Variants in RALYL observed in about 807,000 individuals in gnomAD.
RALYL encodes RALY RNA binding protein like.
A neutral mutation model predicts 35.1 loss-of-function variants in RALYL; 29 were observed. The ratio of observed to expected loss-of-function variants is 0.83; its 90% CI spans 0.61 to 1.13. RALYL has a LOEUF of 1.13. Ranked by LOEUF, RALYL falls within the 50% of genes most tolerant of loss-of-function variation. RALYL has a pLI of 0.00. For missense variants in RALYL, 359 were observed against 360.4 expected (o/e 1.00, Z 0.03); for synonymous variants, 120 against 127.6 (o/e 0.94, Z 0.40).
intron 1 of RALYL, among the ~76,000 whole-genome samples, chr8:84,266,903 T>A (rs1254128530): frequency 2.2e-5 from 3 of 138,440 alleles, no homozygotes; most frequent in African/African-American, 8.3e-5. Flanking sequence ...GAGCTTGCAG[T>A]GAGCCGAGAT....
At chr8:84,197,886 T>C (rs1815773676) in intron 1 of RALYL, among the ~76,000 whole-genome samples, 1 of 152,260 alleles carries the variant, frequency 6.6e-6, no homozygotes, top group South Asian at 2.1e-4. Context: ...TGATGCCTTC[T>C]TCTCCCATTA....
chr8:84,525,301 A>G (rs1456582753), intron 1 of RALYL, among the ~76,000 whole-genome samples: 2 of 152,080 alleles, frequency 1.3e-5, no homozygotes, highest in African/African-American at 4.8e-5. Flanking sequence ...GCACTGAAAA[A>G]TTCATTTTCC....
intron 1 of RALYL, among the ~76,000 whole-genome samples, chr8:84,281,347 G>C (rs1330307737): frequency 6.6e-6 from 1 of 152,100 alleles, no homozygotes; most frequent in Non-Finnish European, 1.5e-5. Context: ...AAGGAAAATT[G>C]AGATGGAGTA....
In RALYL at chr8:84,355,782, C is replaced by T. The variant is rs1007553062; in HGVS notation, c.-24+171358C>T. ...CAGTCAAATCAAGAGCACTTAGTAT[C>T]TGATTAGAAGTTGGAGGTGAAGAGG... On this transcript the variant is annotated intron_variant, in intron 1 of 8. Transcript: ENST00000521268. 2.0e-5 allele frequency among the ~76,000 whole-genome samples: 3 copies of T among 149,978 alleles called. 1 individual carries two copies. The highest frequency in any genetic ancestry group is 1.3e-4 in the Admixed American group (2 of 15,092).
intron 1 of RALYL, among the ~76,000 whole-genome samples, chr8:84,311,908 G>C (rs1228624390): frequency 1.3e-5 from 2 of 152,132 alleles, no homozygotes; most frequent in Non-Finnish European, 2.9e-5. Context: ...AATCAAATCA[G>C]AGATTATACA....
intron 2 of RALYL, among the ~76,000 whole-genome samples, chr8:84,722,370 A>G (rs1844090617): frequency 6.6e-6 from 1 of 151,724 alleles, no homozygotes; most frequent in Admixed American, 6.6e-5. Flanking sequence ...ATTCATATCA[A>G]CCTTCTTAGC....
intron 8 of RALYL, among the ~76,000 whole-genome samples, chr8:84,917,789 C>A (rs2059679): frequency 0.3 from 45,658 of 151,546 alleles, 7,374 homozygotes; most frequent in East Asian, 0.61. Flanking sequence ...ATTATTTGAG[C>A]CTAAAAATGT....
intron 2 of RALYL, among the ~76,000 whole-genome samples, chr8:84,570,224 GA>G (rs1434439554): frequency 1.3e-5 from 2 of 151,636 alleles, no homozygotes; most frequent in Admixed American, 6.6e-5. Flanking sequence ...ATGAGCATGG[GA>G]TTTTTTTATT....
intron 1 of RALYL, among the ~76,000 whole-genome samples, chr8:84,232,077 C>G (rs7813477): frequency 0.068 from 10,371 of 152,166 alleles, 587 homozygotes; most frequent in East Asian, 0.15. Context: ...GTACTCCGCC[C>G]TTTACACCAA....
chr8:84,575,738 A>G (rs1809235874), intron 2 of RALYL, among the ~76,000 whole-genome samples: 1 of 152,176 alleles, frequency 6.6e-6, no homozygotes, highest in South Asian at 2.1e-4. Context: ...TTGAAAATTA[A>G]GGTAAGTGAT....
At chr8:84,426,188 T>C (rs2046410638) in intron 1 of RALYL, among the ~76,000 whole-genome samples, 1 of 152,210 alleles carries the variant, frequency 6.6e-6, no homozygotes, top group African/African-American at 2.4e-5. Context: ...AGCAAGTTAA[T>C]ATATCCATCA....
chr8:84,914,133 T>C (rs1234306744), intron 8 of RALYL, among the ~76,000 whole-genome samples: 1 of 152,018 alleles, frequency 6.6e-6, no homozygotes, highest in Admixed American at 6.6e-5. Context: ...ATTTTTAAAA[T>C]ATTTCTACTT....
chr8:84,253,592 G>A (rs1168467639), intron 1 of RALYL, among the ~76,000 whole-genome samples: 1 of 151,960 alleles, frequency 6.6e-6, no homozygotes, highest in East Asian at 1.9e-4. Flanking sequence ...GGTTCTAATT[G>A]TCCTGCTCTT....
intron 1 of RALYL, among the ~76,000 whole-genome samples, chr8:84,492,164 C>A (rs1396053522): frequency 6.6e-6 from 1 of 151,958 alleles, no homozygotes; most frequent in Admixed American, 6.6e-5. Flanking sequence ...CAGTTTTTCT[C>A]AGTCTTTTCC....
chr8:84,415,343 G>C (rs553430992), intron 1 of RALYL, among the ~76,000 whole-genome samples: 4 of 151,540 alleles, frequency 2.6e-5, no homozygotes. Context: ...AGGTTCAAGC[G>C]ATTCTCCTGC....
At chr8:84,718,298 T>C (rs1246339550) in intron 2 of RALYL, among the ~76,000 whole-genome samples, 1 of 152,220 alleles carries the variant, frequency 6.6e-6, no homozygotes, top group Non-Finnish European at 1.5e-5. Flanking sequence ...ATTTCAGTTG[T>C]TAAGTATGTG....
intron 4 of RALYL, among the ~76,000 whole-genome samples, chr8:84,842,686 T>C (rs1003822638): frequency 2.0e-5 from 3 of 152,166 alleles, no homozygotes; most frequent in Non-Finnish European, 2.9e-5. Flanking sequence ...TTTAGACCAA[T>C]ATCCTTGATG....
At chr8:84,700,228 A>G (rs1839944777) in intron 2 of RALYL, among the ~76,000 whole-genome samples, 1 of 152,110 alleles carries the variant, frequency 6.6e-6, no homozygotes, top group Middle Eastern at 3.3e-3. Flanking sequence ...AATTACCACT[A>G]AGGAGATGCA....
intron 2 of RALYL, among the ~76,000 whole-genome samples, chr8:84,770,402 T>C (rs962142905): frequency 2.0e-5 from 2 of 97,904 alleles, no homozygotes; most frequent in Non-Finnish European, 4.8e-5. Flanking sequence ...TGAGTAGTAG[T>C]CCATCATATA....
Sources: gnomAD v4.1 joint callset for allele counts (sites outside exome capture counted in the v4.1 genomes callset) on GRCh38, gnomAD v4.1.1 for gene constraint, MANE v1.5 for transcripts, NCBI Gene and HGNC (gene_info 2026-07-23, HGNC 2026-07-21) for gene names.